MPP7: variants seen among roughly 807,000 people sequenced by gnomAD.
The protein encoded by MPP7 is MAGUK p55 scaffold protein 7, also known as MAGUK p55 subfamily member 7.
A neutral mutation model predicts 76.5 loss-of-function variants in MPP7; 60 were observed. The observed-to-expected ratio is 0.78, with a 90% CI of 0.64 to 0.97. The LOEUF (loss-of-function observed/expected upper bound fraction) is 0.97. MPP7 is among the 50% of genes least tolerant of loss of function. MPP7 has a pLI of 0.00. For synonymous variants in MPP7, 237 were observed against 244.5 expected, an observed-to-expected ratio of 0.97 and a Z score of 0.29; for missense variants, 641 against 694.0, an observed-to-expected ratio of 0.92 and a Z score of 0.86.
At chr10:28,127,086 C>A (rs1386683104) in intron 6 of MPP7, among the ~76,000 whole-genome samples, 1 of 152,214 alleles carries the variant, frequency 6.6e-6, no homozygotes, top group Non-Finnish European at 1.5e-5. Context: ...CCACAACATA[C>A]AGCCGTGGTT....
At chr10:28,076,228 G>A (rs1176877890) in intron 12 of MPP7, among the ~76,000 whole-genome samples, 2 of 152,160 alleles carry the variant, frequency 1.3e-5, no homozygotes, top group African/African-American at 4.8e-5. Flanking sequence ...TAACAGAGAG[G>A]ACAGGGCTAG....
intron 3 of MPP7, among the ~76,000 whole-genome samples, chr10:28,159,126 C>A (rs951808789): frequency 6.6e-6 from 1 of 152,068 alleles, no homozygotes; most frequent in Non-Finnish European, 1.5e-5. Flanking sequence ...CTACAGACTG[C>A]CAGAAATTTT....
intron 11 of MPP7, among the ~76,000 whole-genome samples, chr10:28,110,929 T>C (rs928774893): frequency 6.6e-6 from 1 of 152,158 alleles, no homozygotes; most frequent in African/African-American, 2.4e-5. Context: ...AGCAAAAAAA[T>C]GCATATTTCT....
At chr10:28,195,462 T>C (rs1191798926) in intron 3 of MPP7, among the ~76,000 whole-genome samples, 1 of 152,180 alleles carries the variant, frequency 6.6e-6, no homozygotes, top group Non-Finnish European at 1.5e-5. Flanking sequence ...AGCATCACCA[T>C]AACAGCCAAT....
At chr10:28,094,064 C>T (rs1028748838) in intron 11 of MPP7, among the ~76,000 whole-genome samples, 1 of 152,176 alleles carries the variant, frequency 6.6e-6, no homozygotes, top group Non-Finnish European at 1.5e-5. Flanking sequence ...CAAAGGCTAA[C>T]GCTCTGCAAA....
At chr10:28,322,689 C>T (rs1188824209) in intron 2 of MPP7, among the ~76,000 whole-genome samples, 1 of 152,190 alleles carries the variant, frequency 6.6e-6, no homozygotes, top group Non-Finnish European at 1.5e-5. Flanking sequence ...AGCCCAGATC[C>T]TGCACCATAG....
chr10:28,111,328 C>T (rs1486572807), intron 11 of MPP7, among the ~76,000 whole-genome samples: 1 of 152,108 alleles, frequency 6.6e-6, no homozygotes, highest in African/African-American at 2.4e-5. Flanking sequence ...TTATGAAAAA[C>T]TACATTTTAG....
At chr10:28,162,913 TC>T (rs1206894219) in intron 3 of MPP7, among the ~76,000 whole-genome samples, 2 of 152,038 alleles carry the variant, frequency 1.3e-5, no homozygotes, top group African/African-American at 4.8e-5. Context: ...CATTTTTGAA[TC>T]TCCTTCCTAT....
chr10:28,062,987 T>C (rs2133339883), intron 13 of MPP7, among the ~76,000 whole-genome samples: 1 of 152,082 alleles, frequency 6.6e-6, no homozygotes, highest in African/African-American at 2.4e-5. Context: ...GAAAGATTGA[T>C]AAATTAGATT....
At chr10:28,310,250 C>T (rs529274667) in intron 2 of MPP7, among the ~76,000 whole-genome samples, 1 of 152,256 alleles carries the variant, frequency 6.6e-6, no homozygotes, top group African/African-American at 2.4e-5. Flanking sequence ...GAGCAGCCCA[C>T]ATCGGCCTCC....
At chr10:28,217,389 T>G (rs1381019564) in intron 2 of MPP7, among the ~76,000 whole-genome samples, 1 of 151,412 alleles carries the variant, frequency 6.6e-6, no homozygotes, top group African/African-American at 2.4e-5. Flanking sequence ...ATTAGCTGGG[T>G]GTACTGGTGT....
chr10:28,286,959 C>A (rs1002315955), intron 1 of MPP7, among the ~76,000 whole-genome samples: 1 of 152,026 alleles, frequency 6.6e-6, no homozygotes, highest in African/African-American at 2.4e-5. Flanking sequence ...AGGAGCTGTG[C>A]GGCATACTGA....
At chr10:28,262,609 T>C (rs754252284) in intron 1 of MPP7, among the ~76,000 whole-genome samples, 1 of 152,156 alleles carries the variant, frequency 6.6e-6, no homozygotes, top group Non-Finnish European at 1.5e-5. Context: ...ATGAAAACTA[T>C]GGATCCTTTC....
At chr10:28,163,276 T>C (rs1326173256) in intron 3 of MPP7, among the ~76,000 whole-genome samples, 1 of 152,154 alleles carries the variant, frequency 6.6e-6, no homozygotes, top group Non-Finnish European at 1.5e-5. Flanking sequence ...TTTCCCAACT[T>C]AGGGACTTTG....
In MPP7 at chr10:28,068,791, G is replaced by A. The variant is rs144618773; in HGVS notation, c.1204+981C>T. On this transcript the variant is annotated intron_variant, in intron 13 of 16. Transcript: ENST00000683449. ...TGGTGAAAAACTCTGGAAAACATTAGCACTTATTTTAGGAAACAGAATTGT... is the reference window on the plus strand; with the variant it reads ...TGGTGAAAAACTCTGGAAAACATTAACACTTATTTTAGGAAACAGAATTGT... Among the ~76,000 whole-genome samples the A allele has an allele frequency of 2.4e-3, 363 of 152,216 alleles. 1 individual carries two copies. Among genetic ancestry groups the A allele is most frequent in the African/African-American group, 7.9e-3 (328 of 41,540 alleles).
At chr10:28,214,982 G>A (rs747493832) in intron 2 of MPP7, among the ~76,000 whole-genome samples, 3 of 151,996 alleles carry the variant, frequency 2.0e-5, no homozygotes, top group African/African-American at 4.8e-5. Context: ...CCCTGCACTC[G>A]ATGGATCAGC....
intron 2 of MPP7, among the ~76,000 whole-genome samples, chr10:28,233,186 C>T (rs1302520412): frequency 6.6e-6 from 1 of 152,042 alleles, no homozygotes; most frequent in Non-Finnish European, 1.5e-5. Context: ...TTAAGTAAAT[C>T]GATGGTGGAT....
At chr10:28,064,342 G>A (rs1238028768) in intron 13 of MPP7, among the ~76,000 whole-genome samples, 1 of 152,120 alleles carries the variant, frequency 6.6e-6, no homozygotes, top group East Asian at 1.9e-4. Flanking sequence ...AAAAAGTCTG[G>A]CAAAGAAAAA....
intron 3 of MPP7, among the ~76,000 whole-genome samples, chr10:28,165,025 C>A (rs923139596): frequency 9.9e-5 from 15 of 152,168 alleles, no homozygotes; most frequent in African/African-American, 3.4e-4. Context: ...ATTTTGAATG[C>A]CCCTGGCCAA....
Sources: gnomAD v4.1 joint callset for allele counts (sites outside exome capture counted in the v4.1 genomes callset) on GRCh38, gnomAD v4.1.1 for gene constraint, MANE v1.5 for transcripts, NCBI Gene and HGNC (gene_info 2026-07-23, HGNC 2026-07-21) for gene names.